The following CSF2RB variants were observed in gnomAD, a reference collection of about 807,000 sequenced individuals.
CSF2RB encodes the protein colony stimulating factor 2 receptor subunit beta, also known as cytokine receptor common subunit beta.
CSF2RB carries 22 observed loss-of-function variants against 67.2 expected under a neutral mutation model. The ratio of observed to expected loss-of-function variants is 0.33; its 90% CI spans 0.23 to 0.47. The LOEUF (loss-of-function observed/expected upper bound fraction) is 0.47. Ranked by LOEUF, CSF2RB falls within the 20% of genes least tolerant of loss-of-function variation. The pLI is 1.00. For synonymous variants in CSF2RB, 507 were observed against 482.9 expected, an observed-to-expected ratio of 1.05 and a Z score of -0.65; for missense variants, 1,113 against 1,174.5, an observed-to-expected ratio of 0.95 and a Z score of 0.76.
intron 1 of CSF2RB, among the ~76,000 whole-genome samples, chr22:36,921,406 G>A (rs1273342286): frequency 6.6e-6 from 1 of 151,536 alleles, no homozygotes; most frequent in Non-Finnish European, 1.5e-5. Context: ...GTGTATATAT[G>A]TATGTATCTG....
At chr22:36,933,509 G>A (rs1941202321) in intron 9 of CSF2RB, among the ~76,000 whole-genome samples, 1 of 152,230 alleles carries the variant, frequency 6.6e-6, no homozygotes, top group Non-Finnish European at 1.5e-5. Flanking sequence ...TCCTAAAAAG[G>A]CCACAATATG....
At position 36,925,946 on chromosome 22, in the gene CSF2RB, T is replaced by C. The variant is rs368195809; in HGVS notation, c.201-41T>C. 7 of 1,608,364 alleles carry C rather than the reference T, an allele frequency of 4.4e-6. No homozygotes were observed. In the Middle Eastern group the frequency reaches 4.9e-4, roughly 114 times the overall value. On this transcript the variant is annotated intron_variant, in intron 3 of 13. Transcript: ENST00000403662. ...CGAGGAACCTTTCGTGAGTCAGTGA[T>C]ACCCATACACCCTGGGCTAAGCCGT...
In CSF2RB at chr22:36,922,043, G is replaced by A; in HGVS notation, c.-165G>A. 1.6e-6 allele frequency: 1 copy of A among 643,888 alleles called. No individual in the cohort carries two copies. 39.9% of individuals were successfully genotyped at this position (643,888 alleles called of 1,614,324 possible). A position where few individuals can be genotyped will look rare whatever the true frequency, so the allele number is the denominator to read the frequency against. On this transcript the variant is annotated 5_prime_UTR_variant, in exon 2 of 14. Transcript: ENST00000403662. ...TGACATCTCCTTCTGCAGGCCTGGA[G>A]GAGGCAGAGGCCAGGAGGGAGAGGT...
Position 36,922,196 on chromosome 22 carries a change from C to G in CSF2RB, c.-12C>G, listed in dbSNP as rs376440903. 4 of 1,579,788 alleles carry G rather than the reference C, an allele frequency of 2.5e-6. No individual in the cohort carries two copies. The East Asian group carries it at 9.2e-5, about 36-fold the overall frequency. On this transcript the variant is annotated 5_prime_UTR_variant, in exon 2 of 14. Transcript: ENST00000403662. ...AGTGCTGGTGCCTGCCTGTCCAGAGCTGACCAGGGAGATGGTGCTGGCCCA... is the reference window on the plus strand; with the variant it reads ...AGTGCTGGTGCCTGCCTGTCCAGAGGTGACCAGGGAGATGGTGCTGGCCCA...
chr22:36,938,509 C>T lies in CSF2RB; in HGVS notation c.*7C>T. 6.2e-7 allele frequency: 1 copy of T among 1,604,432 alleles called. No individual in the cohort carries two copies. Reference sequence around the variant, plus strand: ...GCCTGGGGAGGTGTGTTGAGACCCCCAGGCCTAGACAGGCAAGGGGATGGA... The same window carrying T: ...GCCTGGGGAGGTGTGTTGAGACCCCTAGGCCTAGACAGGCAAGGGGATGGA... On this transcript the variant is annotated 3_prime_UTR_variant, in exon 14 of 14. Transcript: ENST00000403662.
chr22:36,937,340 G>T lies in CSF2RB; in HGVS notation c.1569-37G>T. On this transcript the variant is annotated intron_variant, in intron 13 of 13. Transcript: ENST00000403662. This position sits in a 1 kb window ranked among gnomAD's most constrained non-coding sequence, Gnocchi z 4.6. ...TGCCTGACCCGGATCATCTGCCCAG[G>T]GTGGTCCCAACTCTTCTGCCCATTT... 1 of 1,608,778 alleles carries T rather than the reference G, an allele frequency of 6.2e-7. No homozygotes were observed. Among genetic ancestry groups the T allele is most frequent in the Non-Finnish European group, 8.5e-7 (1 of 1,179,686 alleles).
At chr22:36,918,736 C>T (rs1940781060) in intron 1 of CSF2RB, among the ~76,000 whole-genome samples, 1 of 152,232 alleles carries the variant, frequency 6.6e-6, no homozygotes, top group African/African-American at 2.4e-5. Flanking sequence ...AGAGGCTTAA[C>T]AACATAGAAG....
chr22:36,931,638 A>G (rs1941148844), intron 8 of CSF2RB, among the ~76,000 whole-genome samples: 2 of 152,244 alleles, frequency 1.3e-5, no homozygotes, highest in Non-Finnish European at 1.5e-5. Flanking sequence ...TGAGTGGCTT[A>G]CTTAAAGCTG....
At chr22:36,933,768 G>A in intron 9 of CSF2RB, 64 bp from the exon 10 acceptor site, 1 of 1,549,092 alleles carries the variant, frequency 6.5e-7, no homozygotes. Flanking sequence ...GGTCCAGGTG[G>A]GAGGGATTTG....
Position 36,929,676 on chromosome 22 carries a change from C to A in CSF2RB, c.587C>A (p.Thr196Asn), listed in dbSNP as rs748941609. Residue 196 changes from threonine to asparagine, a missense_variant, in exon 6 of 14, where the codon ACC becomes AAC. Thr to Asn is a moderately conservative substitution (Grantham distance 65). Transcript: ENST00000403662. ...AILLSNTSQA[T>N]LGPEHLMPSS... ...CTCCTCTCCAACACCTCCCAGGCCA[C>A]CCTGGGGCCAGAGCACCTCATGCCC... The A allele has an allele frequency of 2.8e-5, 45 of 1,614,100 alleles. No homozygotes were observed. In the Admixed American group the frequency reaches 7.5e-4, roughly 27 times the overall value.
chr22:36,933,250 CATCTG>C (rs1356820111), intron 9 of CSF2RB, among the ~76,000 whole-genome samples: 1 of 152,226 alleles, frequency 6.6e-6, no homozygotes, highest in African/African-American at 2.4e-5. Flanking sequence ...AGAGGAATCT[CATCTG>C]GACACACATG....
At chr22:36,913,936 C>G (rs1191763853) in intron 1 of CSF2RB, among the ~76,000 whole-genome samples, 2 of 152,042 alleles carry the variant, frequency 1.3e-5, no homozygotes, top group Non-Finnish European at 2.9e-5. Flanking sequence ...AGGACTCAGC[C>G]TCGCTAGCGG....
At chr22:36,921,671 G>A (rs1940873583) in intron 1 of CSF2RB, among the ~76,000 whole-genome samples, 1 of 152,150 alleles carries the variant, frequency 6.6e-6, no homozygotes, top group Non-Finnish European at 1.5e-5. Context: ...GCAGGGGTGG[G>A]GAGAGCACAG....
chr22:36,931,798 G>A (rs1941150977), intron 8 of CSF2RB, among the ~76,000 whole-genome samples: 1 of 152,164 alleles, frequency 6.6e-6, no homozygotes, highest in African/African-American at 2.4e-5. Context: ...CTTTCTCTTT[G>A]GCCACTATCT....
chr22:36,921,152 T>G (rs1940856400), intron 1 of CSF2RB, among the ~76,000 whole-genome samples: 1 of 152,002 alleles, frequency 6.6e-6, no homozygotes, highest in African/African-American at 2.4e-5. Context: ...TGTGTGAATG[T>G]GTGTGCATGT....
chr22:36,925,945 A>G, intron 3 of CSF2RB, 42 bp from the exon 4 acceptor site: 5 of 1,607,904 alleles, frequency 3.1e-6, no homozygotes, highest in East Asian at 2.2e-5. Context: ...TGAGTCAGTG[A>G]TACCCATACA....
At position 36,936,675 on chromosome 22, in the gene CSF2RB, C is replaced by T. The variant is rs754584489; in HGVS notation, c.1568+23C>T. 2.5e-6 allele frequency: 4 copies of T among 1,596,864 alleles called. No homozygotes were observed. In the South Asian group the frequency reaches 3.3e-5, roughly 13 times the overall value. ...GGGGTGAGTGGGCTCGTGGATCACT[C>T]CTGACCTTTGGGGTTCATACGGGGG... On this transcript the variant is annotated intron_variant, in intron 13 of 13. Transcript: ENST00000403662.
chr22:36,931,521 A>AT (rs1158460210), intron 8 of CSF2RB, among the ~76,000 whole-genome samples: 3 of 152,276 alleles, frequency 2.0e-5, no homozygotes, highest in African/African-American at 7.2e-5. Flanking sequence ...CTGGCACATA[A>AT]GAGACCTCAG....
intron 8 of CSF2RB, among the ~76,000 whole-genome samples, 174 bp downstream of exon 8, chr22:36,931,004 G>A (rs1277578457): frequency 1.3e-5 from 2 of 152,152 alleles, no homozygotes; most frequent in African/African-American, 4.8e-5. Context: ...CGACGGCAGT[G>A]GCCAAAAACA....
Sources: allele counts gnomAD v4.1 joint callset (sites outside exome capture counted in the v4.1 genomes callset), GRCh38; gene constraint gnomAD v4.1.1; non-coding constraint Gnocchi (gnomAD v3.1); transcripts MANE v1.5; gene names NCBI Gene and HGNC (gene_info 2026-07-23, HGNC 2026-07-21).